Variants in PCDHGB4 observed in about 807,000 individuals in gnomAD.
The protein encoded by PCDHGB4 is protocadherin gamma-B4.
A neutral mutation model predicts 60.5 loss-of-function variants in PCDHGB4; 38 were observed. The observed-to-expected ratio is 0.63, with a 90% confidence interval of 0.48 to 0.82. The LOEUF (loss-of-function observed/expected upper bound fraction) is 0.82. Ranked by LOEUF, PCDHGB4 falls within the 40% of genes least tolerant of loss-of-function variation. PCDHGB4 has a pLI of 0.00. For synonymous variants in PCDHGB4, 456 were observed against 509.7 expected (o/e 0.89, Z 1.42); for missense variants, 1,109 against 1,209.6 (o/e 0.92, Z 1.23).
intron 1 of PCDHGB4, among the ~76,000 whole-genome samples, chr5:141,433,697 CGTG>C (rs1176871032): frequency 6.6e-6 from 1 of 152,020 alleles, no homozygotes; most frequent in Non-Finnish European, 1.5e-5. Context: ...ATTAGCCGGG[CGTG>C]GTGGTGCATG....
intron 1 of PCDHGB4, chr5:141,427,247 T>C (rs1409945260): frequency 2.2e-6 from 1 of 456,582 alleles, no homozygotes; most frequent in Non-Finnish European, 4.4e-6. Context: ...AAGCTAAGGA[T>C]GGTGGAGGCA....
chr5:141,489,990 A>G lies in PCDHGB4; in HGVS notation c.2398-4817A>G. ...TCCAATCCTCAGTTCTACGTGTGGG[A>G]ATCCCAGAGAATGCACCCATTGGTA... is the stretch of plus-strand genomic sequence containing the variant. On this transcript the variant is annotated intron_variant, in intron 1 of 3. Transcript: ENST00000519479. This position sits in a 1 kb window ranked among gnomAD's most constrained non-coding sequence, Gnocchi z 4.5. 6.2e-7 allele frequency: 1 copy of G among 1,614,256 alleles called. No individual in the cohort carries two copies. Among genetic ancestry groups the G allele is most frequent in the Non-Finnish European group, 8.5e-7 (1 of 1,180,030 alleles).
intron 2 of PCDHGB4, among the ~76,000 whole-genome samples, chr5:141,504,351 G>C (rs77439649): frequency 0.021 from 3,233 of 152,120 alleles, 109 homozygotes; most frequent in African/African-American, 0.075. Context: ...CTTTGTGCTA[G>C]GTGCTTCAGT....
intron 3 of PCDHGB4, among the ~76,000 whole-genome samples, chr5:141,510,369 C>G (rs1403924479): frequency 7.1e-6 from 1 of 140,308 alleles, no homozygotes; most frequent in Non-Finnish European, 1.6e-5. Context: ...TACCGAATCT[C>G]TACTCGTGCC....
At position 141,489,335 on chromosome 5, in the gene PCDHGB4, G is replaced by C. The variant is rs138015049; in HGVS notation, c.2398-5472G>C. 1.4e-5 allele frequency: 22 copies of C among 1,607,364 alleles called. No individual in the cohort carries two copies. Among genetic ancestry groups the C allele is most frequent in the Non-Finnish European group, 1.9e-5 (22 of 1,175,842 alleles). The stretch of plus-strand genomic sequence containing the variant: ...TGGGGCTGGGTGTCTGGGCAGCTTC[G>C]TTACTCAGTGGTGGAGGAGTCTGAG... On this transcript the variant is annotated intron_variant, in intron 1 of 3. Transcript: ENST00000519479. This position sits in a 1 kb window ranked among gnomAD's most constrained non-coding sequence, Gnocchi z 4.5.
chr5:141,483,620 A>G (rs192148102), intron 1 of PCDHGB4, among the ~76,000 whole-genome samples: 472 of 151,650 alleles, frequency 3.1e-3, no homozygotes, highest in Non-Finnish European at 5.0e-3. Context: ...CATCATTCCC[A>G]TGGGAGAAGG....
chr5:141,414,473 G>C lies in PCDHGB4; in HGVS notation c.2397+24192G>C, dbSNP rs371832510. 50 of 1,613,790 alleles carry C rather than the reference G, an allele frequency of 3.1e-5. No individual in the cohort carries two copies. The highest frequency in any genetic ancestry group is 4.1e-5 in the Non-Finnish European group (48 of 1,179,892). Reference sequence around the variant, plus strand: ...ACAGTGACAGCCACAGATGGGGGAAGTCCTCCTCTATCAACGGAAGCTCAC... The same window carrying C: ...ACAGTGACAGCCACAGATGGGGGAACTCCTCCTCTATCAACGGAAGCTCAC... On this transcript the variant is annotated intron_variant, in intron 1 of 3. Transcript: ENST00000519479.
Position 141,476,667 on chromosome 5 carries a change from T to C in PCDHGB4, c.2398-18140T>C. 6.2e-7 allele frequency: 1 copy of C among 1,614,234 alleles called. No individual in the cohort carries two copies. Among genetic ancestry groups the C allele is most frequent in the Non-Finnish European group, 8.5e-7 (1 of 1,180,042 alleles). ...CGAAATGAATACTTTGCGCTTCGCG[T>C]GCAGACGCGGGAGGACAGCACCAAG... On this transcript the variant is annotated intron_variant, in intron 1 of 3. Transcript: ENST00000519479. The surrounding 1 kb of genome is among the most constrained non-coding windows in gnomAD (Gnocchi z 7.6).
rs138463062 is a variant in PCDHGB4 at position 141,485,217 on chromosome 5, C to T, written c.2398-9590C>T. 7,893 of 1,614,092 alleles carry T rather than the reference C, an allele frequency of 4.9e-3. 42 individuals carry two copies. Among genetic ancestry groups the T allele is most frequent in the Admixed American group, 8.8e-3 (531 of 60,030 alleles). On this transcript the variant is annotated intron_variant, in intron 1 of 3. Coordinates refer to ENST00000519479, the MANE Select transcript of PCDHGB4 (RefSeq NM_003736.4). This position sits in a 1 kb window ranked among gnomAD's most constrained non-coding sequence, Gnocchi z 5.7. Reference sequence around the variant, plus strand: ...AGCTGGACAGAAATCTGGCGGTGGGCTACCCTTTTGTTCCTCTTTTACCAC... The same window carrying T: ...AGCTGGACAGAAATCTGGCGGTGGGTTACCCTTTTGTTCCTCTTTTACCAC...
At chr5:141,394,790 G>T (rs776824024) in intron 1 of PCDHGB4, 1 of 1,613,718 alleles carries the variant, frequency 6.2e-7, no homozygotes, top group Non-Finnish European at 8.5e-7. Context: ...CCACTGTCAC[G>T]CTCACCGTAG....
At chr5:141,399,739 C>T (rs774893843) in intron 1 of PCDHGB4, 2 of 1,613,218 alleles carry the variant, frequency 1.2e-6, no homozygotes, top group Non-Finnish European at 1.7e-6. Flanking sequence ...CTCGCCTGCG[C>T]TCAGCGCAAA....
At chr5:141,420,537 T>C (rs1246315357) in intron 1 of PCDHGB4, 2 of 317,450 alleles carry the variant, frequency 6.3e-6, no homozygotes, top group Non-Finnish European at 1.1e-5. Context: ...GTTAAAAATA[T>C]AAAATACAGG....
chr5:141,491,493 G>A lies in PCDHGB4; in HGVS notation c.2398-3314G>A, dbSNP rs1008591563. On this transcript the variant is annotated intron_variant, in intron 1 of 3. Transcript: ENST00000519479. This position sits in a 1 kb window ranked among gnomAD's most constrained non-coding sequence, Gnocchi z 6.9. ...AGCAGTCCAGCCCCAACCTGCAGGT[G>A]AGCTCGGACGGCACGCTCAAGTACA... 6.2e-7 allele frequency: 1 copy of A among 1,614,000 alleles called. No homozygotes were observed. Among genetic ancestry groups the A allele is most frequent in the African/African-American group, 1.3e-5 (1 of 74,928 alleles).
rs1591094034 is a variant in PCDHGB4 at position 141,431,659 on chromosome 5, A to T, written c.2397+41378A>T. 3.7e-6 allele frequency: 6 copies of T among 1,614,246 alleles called. No individual in the cohort carries two copies. The highest frequency in any genetic ancestry group is 3.4e-6 in the Non-Finnish European group (4 of 1,180,036). On this transcript the variant is annotated intron_variant, in intron 1 of 3. Coordinates refer to ENST00000519479, the MANE Select transcript of PCDHGB4 (RefSeq NM_003736.4). This position sits in a 1 kb window ranked among gnomAD's most constrained non-coding sequence, Gnocchi z 4.8. ...TCAAACTAGATTGTAATTCAGGGAC[A>T]ATATCAACAATAGGGGAGTTGGACC...
At chr5:141,398,892 G>A in intron 1 of PCDHGB4, 5 of 1,613,916 alleles carry the variant, frequency 3.1e-6, no homozygotes, top group Non-Finnish European at 4.2e-6. Context: ...GGGAAAACGT[G>A]CCACCAGGCA....
Position 141,456,055 on chromosome 5 carries a change from G to A in PCDHGB4, c.2398-38752G>A, listed in dbSNP as rs78682041. On this transcript the variant is annotated intron_variant, in intron 1 of 3. Coordinates refer to ENST00000519479, the MANE Select transcript of PCDHGB4 (RefSeq NM_003736.4). Reference sequence around the variant, plus strand: ...TGGGACTACAGGCGCCCACCACCACGTCCGGCTAATTTTTTGTATTTTCAG... The same window carrying A: ...TGGGACTACAGGCGCCCACCACCACATCCGGCTAATTTTTTGTATTTTCAG... Among the ~76,000 whole-genome samples, 302 of 151,836 alleles carry A rather than the reference G, an allele frequency of 2.0e-3. 1 individual carries two copies. The highest frequency in any genetic ancestry group is 0.01 in the Middle Eastern group (3 of 292).
chr5:141,387,772 T>G lies in PCDHGB4; in HGVS notation c.-113T>G. 6.9e-7 allele frequency: 1 copy of G among 1,442,780 alleles called. No individual in the cohort carries two copies. The highest frequency in any genetic ancestry group is 9.2e-7 in the Non-Finnish European group (1 of 1,086,398). The allele number at this position is 1,442,780 out of a possible 1,614,324, so 89.4% of individuals were successfully genotyped here. A position where few individuals can be genotyped will look rare whatever the true frequency, so the allele number is the denominator to read the frequency against. On this transcript the variant is annotated 5_prime_UTR_variant, in exon 1 of 4. Transcript: ENST00000519479. ...TCCTCGGAAAAAGAAGAATTTTTTC[T>G]TGAACTGGAACTGCAACTAAAGTCC...
At position 141,487,100 on chromosome 5, in the gene PCDHGB4, C is replaced by T. The variant is rs183291629; in HGVS notation, c.2398-7707C>T. On this transcript the variant is annotated intron_variant, in intron 1 of 3. Coordinates refer to ENST00000519479, the MANE Select transcript of PCDHGB4 (RefSeq NM_003736.4). The surrounding 1 kb of genome is among the most constrained non-coding windows in gnomAD (Gnocchi z 5.0). ...CCCAGCTGACCTCCCACCACAGAAG[C>T]TGGTCATTGTGGTAAAGGATAGTGG... The T allele has an allele frequency of 5.6e-4, 909 of 1,614,074 alleles. 2 individuals carry two copies. Among genetic ancestry groups the T allele is most frequent in the Non-Finnish European group, 1.4e-4 (168 of 1,179,960 alleles).
At chr5:141,468,783 G>A (rs908838744) in intron 1 of PCDHGB4, among the ~76,000 whole-genome samples, 7 of 151,460 alleles carry the variant, frequency 4.6e-5, no homozygotes, top group South Asian at 2.1e-4. Context: ...GGAGAATGGC[G>A]TGAACCCGGG....
Sources: gnomAD v4.1 joint callset for allele counts (sites outside exome capture counted in the v4.1 genomes callset) on GRCh38, gnomAD v4.1.1 for gene constraint, Gnocchi (gnomAD v3.1) non-coding constraint, MANE v1.5 for transcripts, NCBI Gene and HGNC (gene_info 2026-07-23, HGNC 2026-07-21) for gene names.